C1orf21: variants seen among roughly 807,000 people sequenced by gnomAD.
C1orf21 encodes the protein uncharacterized protein C1orf21.
In C1orf21, 3 loss-of-function variants were observed where a neutral mutation model predicts 18.7. The ratio of observed to expected loss-of-function variants is 0.16; its 90% CI spans 0.07 to 0.42. The LOEUF (loss-of-function observed/expected upper bound fraction) is 0.42. C1orf21 is among the 10% of genes least tolerant of loss of function. The pLI is 0.99. For missense variants in C1orf21, 104 were observed against 143.6 expected (o/e 0.72, Z 1.41); for synonymous variants, 41 against 46.4 (o/e 0.88, Z 0.47).
chr1:184,511,699 A>G (rs1276223979), intron 3 of C1orf21, among the ~76,000 whole-genome samples: 3 of 152,184 alleles, frequency 2.0e-5, no homozygotes, highest in Non-Finnish European at 4.4e-5. Flanking sequence ...GTAATACATA[A>G]AGCAAGAGGT....
intron 3 of C1orf21, among the ~76,000 whole-genome samples, chr1:184,559,952 A>G (rs1033124925): frequency 2.6e-5 from 4 of 151,894 alleles, no homozygotes; most frequent in Non-Finnish European, 5.9e-5. Flanking sequence ...GGGTCTCACT[A>G]TGTTCCTCAG....
chr1:184,429,265 G>A (rs1656694140), intron 1 of C1orf21, among the ~76,000 whole-genome samples: 1 of 152,176 alleles, frequency 6.6e-6, no homozygotes. Flanking sequence ...GGCTGGAGAG[G>A]CCCTGGCATC....
At chr1:184,497,229 T>C (rs145878218) in intron 2 of C1orf21, among the ~76,000 whole-genome samples, 2 of 152,376 alleles carry the variant, frequency 1.3e-5, no homozygotes, top group Admixed American at 1.3e-4. Context: ...TGTTCATATT[T>C]ACTGTGCTGC....
chr1:184,496,028 T>C (rs1290393214), intron 2 of C1orf21, among the ~76,000 whole-genome samples: 1 of 151,796 alleles, frequency 6.6e-6, no homozygotes, highest in Non-Finnish European at 1.5e-5. Flanking sequence ...CTTCTGCAGA[T>C]TGTGTGGTGA....
At chr1:184,443,278 A>G (rs1571359826) in intron 1 of C1orf21, among the ~76,000 whole-genome samples, 1 of 152,270 alleles carries the variant, frequency 6.6e-6, no homozygotes, top group East Asian at 1.9e-4. Flanking sequence ...ATTAACATGT[A>G]ATGTAAGATC....
intron 3 of C1orf21, among the ~76,000 whole-genome samples, chr1:184,562,037 A>C (rs960748770): frequency 2.0e-5 from 3 of 152,082 alleles, no homozygotes; most frequent in Admixed American, 1.3e-4. Flanking sequence ...CGTGTACCAG[A>C]ATAGTAGTTT....
At chr1:184,603,969 T>A (rs927514447) in intron 5 of C1orf21, among the ~76,000 whole-genome samples, 2 of 152,198 alleles carry the variant, frequency 1.3e-5, no homozygotes, top group Admixed American at 1.3e-4. Flanking sequence ...ATTCGTAAAT[T>A]TTTTTCAAGA....
chr1:184,453,884 A>G (rs2101980753), intron 1 of C1orf21, among the ~76,000 whole-genome samples: 1 of 152,328 alleles, frequency 6.6e-6, no homozygotes, highest in Middle Eastern at 3.4e-3. Context: ...GAACTCTGAA[A>G]GAGAAGAGAG....
At chr1:184,579,917 A>C (rs777872756) in intron 3 of C1orf21, among the ~76,000 whole-genome samples, 7 of 152,138 alleles carry the variant, frequency 4.6e-5, no homozygotes, top group Non-Finnish European at 1.0e-4. Context: ...ATGCCTAATG[A>C]TTTCCCATAA....
intron 3 of C1orf21, among the ~76,000 whole-genome samples, chr1:184,562,475 G>A (rs1658981323): frequency 6.6e-6 from 1 of 152,162 alleles, no homozygotes; most frequent in Admixed American, 6.5e-5. Flanking sequence ...CCTTTTGCCT[G>A]GCACAGCCCT....
chr1:184,593,287 GTGTGTGTACACACACA>G (rs1292969134), intron 4 of C1orf21, among the ~76,000 whole-genome samples: 1 of 152,034 alleles, frequency 6.6e-6, no homozygotes, highest in Non-Finnish European at 1.5e-5. Context: ...GTGTGTGTGT[GTGTGTGTACACACACA>G]TGTGTGTATG....
chr1:184,398,067 G>C (rs1014665511), intron 1 of C1orf21, among the ~76,000 whole-genome samples: 1 of 152,148 alleles, frequency 6.6e-6, no homozygotes, highest in Non-Finnish European at 1.5e-5. Flanking sequence ...TAATGTAGCG[G>C]GAAGAATGTG....
At chr1:184,610,741 G>T (rs1282334785) in intron 5 of C1orf21, among the ~76,000 whole-genome samples, 1 of 151,784 alleles carries the variant, frequency 6.6e-6, no homozygotes, top group African/African-American at 2.4e-5. Flanking sequence ...CCAGGTACTC[G>T]GGAGGCTGAG....
intron 3 of C1orf21, among the ~76,000 whole-genome samples, chr1:184,557,941 G>GT (rs1462984615): frequency 6.6e-6 from 1 of 152,124 alleles, no homozygotes; most frequent in African/African-American, 2.4e-5. Context: ...GGGAATTCCT[G>GT]TGGAACTTGA....
intron 3 of C1orf21, among the ~76,000 whole-genome samples, chr1:184,541,842 T>C (rs1328029232): frequency 6.6e-6 from 1 of 152,062 alleles, no homozygotes; most frequent in Admixed American, 6.6e-5. Context: ...GCGTGCAGAG[T>C]TGCTCAGCTA....
chr1:184,599,402 C>T (rs1425771286), intron 5 of C1orf21: 1 of 152,142 alleles, frequency 6.6e-6, no homozygotes, highest in African/African-American at 2.4e-5. Context: ...TGAAGAAGGT[C>T]TTAAATTCAT....
At chr1:184,530,648 G>A (rs1185702508) in intron 3 of C1orf21, among the ~76,000 whole-genome samples, 1 of 32,432 alleles carries the variant, frequency 3.1e-5, no homozygotes, top group South Asian at 6.9e-4. Flanking sequence ...TTTCTCTTTT[G>A]TCTATTTTGT....
At chr1:184,394,542 C>T (rs1656020524) in intron 1 of C1orf21, among the ~76,000 whole-genome samples, 1 of 152,152 alleles carries the variant, frequency 6.6e-6, no homozygotes, top group Admixed American at 6.5e-5. Context: ...TCCTGAATTC[C>T]ACAGTTGACA....
rs114787656 is a variant in C1orf21 at position 184,613,483 on chromosome 1, G to A, written c.328-6035G>A. Among the ~76,000 whole-genome samples, 203 of 152,272 alleles carry A rather than the reference G, an allele frequency of 1.3e-3. 1 individual carries two copies. The highest frequency in any genetic ancestry group is 6.8e-3 in the Middle Eastern group (2 of 294). ...AGTTCCAAGCTATTCATGTAACAGG[G>A]CCTATGCCCTATTCTGTGTGCATAG... On this transcript the variant is annotated intron_variant, in intron 5 of 5. Coordinates refer to ENST00000235307, the MANE Select transcript of C1orf21 (RefSeq NM_030806.4).
Sources: gnomAD v4.1 joint callset for allele counts (sites outside exome capture counted in the v4.1 genomes callset) on GRCh38, gnomAD v4.1.1 for gene constraint, MANE v1.5 for transcripts, NCBI Gene and HGNC (gene_info 2026-07-23, HGNC 2026-07-21) for gene names.